KDM4B: variants seen among roughly 807,000 people sequenced by gnomAD.
KDM4B encodes the protein lysine demethylase 4B.
In KDM4B, 32 loss-of-function variants were observed where a neutral mutation model predicts 125.2. The observed-to-expected ratio is 0.26, with a 90% CI of 0.19 to 0.34. The LOEUF (loss-of-function observed/expected upper bound fraction) is 0.34, where lower values mean the gene tolerates loss of function less well. KDM4B is among the 10% of genes least tolerant of loss of function. The probability of loss-of-function intolerance (pLI) is 1.00; values close to 1 mark genes in which losing one functional copy is unlikely to be tolerated. For missense variants in KDM4B, 1,190 were observed against 1,577.7 expected, an observed-to-expected ratio of 0.75 and a Z score of 4.16; for synonymous variants, 721 against 677.9, an observed-to-expected ratio of 1.06 and a Z score of -0.99.
chr19:5,144,246 A>G lies in KDM4B; in HGVS notation c.2737-2A>G. 1 of 1,582,840 alleles carries G rather than the reference A, an allele frequency of 6.3e-7. No homozygotes were observed. Among genetic ancestry groups the G allele is most frequent in the Non-Finnish European group, 8.6e-7 (1 of 1,165,952 alleles). Reference sequence around the variant, plus strand: ...CCCCCCACACCCTCCGCACCCTCCCAGGTCCAACTCCTGAGGGCCGTGTCC... The same window carrying G: ...CCCCCCACACCCTCCGCACCCTCCCGGGTCCAACTCCTGAGGGCCGTGTCC... On this transcript the variant is annotated splice_acceptor_variant, in intron 19 of 22. Coordinates refer to ENST00000159111, the MANE Select transcript of KDM4B (RefSeq NM_015015.3). LOFTEE classifies it high-confidence loss of function.
chr19:4,971,877 C>T lies in KDM4B; in HGVS notation c.-109+2647C>T, dbSNP rs904579845. ...TCACTTGCTCAGTGACAAAGCAGAT[C>T]GGGGGCACTAAATCTTTCGGAGCCC... On this transcript the variant is annotated intron_variant, in intron 1 of 22. Transcript: ENST00000159111. The surrounding 1 kb of genome is among the most constrained non-coding windows in gnomAD (Gnocchi z 4.1). Among the ~76,000 whole-genome samples the T allele has an allele frequency of 3.1e-5, 4 of 127,300 alleles. No individual in the cohort carries two copies. The highest frequency in any genetic ancestry group is 2.8e-4 in the South Asian group (1 of 3,626). 83.5% of individuals were successfully genotyped at this position (127,300 alleles called of 152,430 possible).
intron 5 of KDM4B, among the ~76,000 whole-genome samples, chr19:5,045,241 C>G (rs1026459623): frequency 1.2e-4 from 18 of 152,332 alleles, no homozygotes; most frequent in African/African-American, 4.1e-4. Flanking sequence ...CCTGGCCACC[C>G]TGGGAGGCGT....
rs548036588 is a variant in KDM4B at position 5,027,760 on chromosome 19, C to T, written c.-25-5106C>T. ...TTCATGGTGCTGGCCAGGCTGGTCA[C>T]GAACTCCTGACCTCAGGCAGTCTGC... On this transcript the variant is annotated intron_variant, in intron 2 of 22. Coordinates refer to ENST00000159111, the MANE Select transcript of KDM4B (RefSeq NM_015015.3). 1.8e-4 allele frequency among the ~76,000 whole-genome samples: 27 copies of T among 152,188 alleles called. No homozygotes were observed. The South Asian group carries it at 5.4e-3, about 30-fold the overall frequency.
intron 11 of KDM4B, among the ~76,000 whole-genome samples, chr19:5,121,143 C>T (rs1226050568): frequency 4.6e-5 from 7 of 152,164 alleles, no homozygotes; most frequent in Non-Finnish European, 4.4e-5. Flanking sequence ...GAGGCAGGCA[C>T]GCCCCTGCCC....
intron 6 of KDM4B, among the ~76,000 whole-genome samples, chr19:5,069,841 A>T (rs976576339): frequency 1.3e-5 from 2 of 151,344 alleles, no homozygotes; most frequent in Non-Finnish European, 2.9e-5. Flanking sequence ...TCCTGACCTC[A>T]GGTGATCTGC....
intron 2 of KDM4B, among the ~76,000 whole-genome samples, chr19:5,032,431 G>A (rs774482346): frequency 7.2e-5 from 11 of 152,208 alleles, no homozygotes; most frequent in African/African-American, 1.7e-4. Flanking sequence ...GCCCTTGAGC[G>A]TGTGACCCTC....
intron 1 of KDM4B, among the ~76,000 whole-genome samples, chr19:4,983,076 A>G (rs1157193745): frequency 6.6e-6 from 1 of 151,986 alleles, no homozygotes; most frequent in Admixed American, 6.6e-5. Context: ...TTATCATTTC[A>G]GCATGTAATC....
chr19:4,993,255 CAAA>C (rs2035084961), intron 1 of KDM4B, among the ~76,000 whole-genome samples: 1 of 152,032 alleles, frequency 6.6e-6, no homozygotes, highest in African/African-American at 2.4e-5. Context: ...ACTAAAAACA[CAAA>C]AATTAGCCGA....
At chr19:5,119,528 GC>G in intron 10 of KDM4B, 124 bp from the exon 11 acceptor site, 1 of 945,784 alleles carries the variant, frequency 1.1e-6, no homozygotes, top group Non-Finnish European at 1.7e-6. Context: ...CAGCCAGGAG[GC>G]CCCCTGCTCA....
rs1386677791 is a variant in KDM4B, at chr19:5,081,395, C to G, written c.781-972C>G. ...AGGGAGTGGGGGTCAGTGTGGCCAT[C>G]TCGAGTGTCCCCAGAGTGGGGAGGG... On this transcript the variant is annotated intron_variant, in intron 8 of 22. Transcript: ENST00000159111. The surrounding 1 kb of genome is among the most constrained non-coding windows in gnomAD (Gnocchi z 4.2). Among the ~76,000 whole-genome samples, 1 of 152,158 alleles carries G rather than the reference C, an allele frequency of 6.6e-6. No individual in the cohort carries two copies. Among genetic ancestry groups the G allele is most frequent in the Non-Finnish European group, 1.5e-5 (1 of 68,024 alleles).
intron 2 of KDM4B, among the ~76,000 whole-genome samples, chr19:5,018,639 C>T (rs1239517712): frequency 2.6e-5 from 4 of 152,350 alleles, no homozygotes; most frequent in Middle Eastern, 3.4e-3. Context: ...GGTGCACTCA[C>T]AGGGCTGGGC....
chr19:5,031,165 C>T lies in KDM4B; in HGVS notation c.-25-1701C>T, dbSNP rs138901005. Among the ~76,000 whole-genome samples, 6 of 152,224 alleles carry T rather than the reference C, an allele frequency of 3.9e-5. No individual in the cohort carries two copies. The East Asian group carries it at 1.2e-3, about 30-fold the overall frequency. On this transcript the variant is annotated intron_variant, in intron 2 of 22. Transcript: ENST00000159111. ...GGTGAGAGCGGGAGGGCAGGTGCAG[C>T]GTTGGGGGGATCCTGGGGCCTGTGG...
In KDM4B at chr19:5,073,549, T is replaced by G. The variant is rs141833537; in HGVS notation, c.676+2490T>G. Among the ~76,000 whole-genome samples, 275 of 152,360 alleles carry G rather than the reference T, an allele frequency of 1.8e-3. 2 individuals carry two copies. Among genetic ancestry groups the G allele is most frequent in the African/African-American group, 6.3e-3 (264 of 41,584 alleles). On this transcript the variant is annotated intron_variant, in intron 7 of 22. Transcript: ENST00000159111. Reference sequence around the variant, plus strand: ...CTACAGTTAGCCACTGTCCCCTCCCTTCTCACCCAGTGTGACTTTTGCATT... The same window carrying G: ...CTACAGTTAGCCACTGTCCCCTCCCGTCTCACCCAGTGTGACTTTTGCATT...
intron 9 of KDM4B, among the ~76,000 whole-genome samples, chr19:5,091,737 C>T (rs1295044256): frequency 7.0e-6 from 1 of 143,526 alleles, no homozygotes; most frequent in Admixed American, 6.9e-5. Flanking sequence ...GGGGAGGCGG[C>T]AGAAGGCAGG....
chr19:5,033,243 C>T (rs1036792132), intron 3 of KDM4B, among the ~76,000 whole-genome samples: 7 of 152,168 alleles, frequency 4.6e-5, no homozygotes, highest in African/African-American at 1.4e-4. Context: ...GAGAAGTGGC[C>T]GGTGCAGGCC....
At chr19:5,102,368 C>G (rs910534782) in intron 9 of KDM4B, among the ~76,000 whole-genome samples, 1 of 152,154 alleles carries the variant, frequency 6.6e-6, no homozygotes, top group African/African-American at 2.4e-5. Context: ...CCTCTGGCTG[C>G]CCAGGAGGGA....
chr19:5,087,113 C>A (rs1207499838), intron 9 of KDM4B, among the ~76,000 whole-genome samples: 1 of 152,250 alleles, frequency 6.6e-6, no homozygotes, highest in Non-Finnish European at 1.5e-5. Context: ...TGGAGCAGCC[C>A]AGGCCGGCAC....
At chr19:5,053,537 G>T (rs1162940165) in intron 6 of KDM4B, among the ~76,000 whole-genome samples, 1 of 152,200 alleles carries the variant, frequency 6.6e-6, no homozygotes, top group Non-Finnish European at 1.5e-5. Context: ...CAGGGCCCAG[G>T]TTCCTGCCCG....
intron 9 of KDM4B, among the ~76,000 whole-genome samples, chr19:5,108,935 G>A (rs1276652300): frequency 6.6e-6 from 1 of 151,690 alleles, no homozygotes; most frequent in East Asian, 1.9e-4. Context: ...CCGAGCTTCC[G>A]CATGGCCCTC....
Sources: gnomAD v4.1 joint callset for allele counts (sites outside exome capture counted in the v4.1 genomes callset) on GRCh38, gnomAD v4.1.1 for gene constraint, Gnocchi (gnomAD v3.1) non-coding constraint, MANE v1.5 for transcripts, NCBI Gene and HGNC (gene_info 2026-07-23, HGNC 2026-07-21) for gene names.